FRAS1: variants seen among roughly 807,000 people sequenced by gnomAD.
FRAS1 encodes Fraser extracellular matrix complex subunit 1.
In FRAS1, 290 loss-of-function variants were observed where a neutral mutation model predicts 435.2. The ratio of observed to expected loss-of-function variants is 0.67; its 90% CI spans 0.61 to 0.73. FRAS1 has a LOEUF of 0.73. Ranked by LOEUF, FRAS1 falls within the 30% of genes least tolerant of loss-of-function variation. The probability of loss-of-function intolerance (pLI) is 0.00; values close to 1 mark genes in which losing one functional copy is unlikely to be tolerated. For synonymous variants in FRAS1, 1,800 were observed against 1,851.0 expected, an observed-to-expected ratio of 0.97 and a Z score of 0.71; for missense variants, 4,860 against 5,001.5, an observed-to-expected ratio of 0.97 and a Z score of 0.85.
chr4:78,206,239 G>A (rs1723250693), intron 2 of FRAS1, among the ~76,000 whole-genome samples: 1 of 152,108 alleles, frequency 6.6e-6, no homozygotes, highest in Non-Finnish European at 1.5e-5. Context: ...ATACTACAGA[G>A]GAGAAGATGA....
intron 38 of FRAS1, 74 bp downstream of exon 38, chr4:78,432,678 A>G (rs1734263966): frequency 2.1e-6 from 3 of 1,462,774 alleles, no homozygotes; most frequent in Admixed American, 4.9e-5. Flanking sequence ...CAGCAATGCC[A>G]TGGCTGAATA....
chr4:78,150,690 G>A (rs1720615204), intron 2 of FRAS1, among the ~76,000 whole-genome samples: 1 of 152,142 alleles, frequency 6.6e-6, no homozygotes, highest in Non-Finnish European at 1.5e-5. Flanking sequence ...ATCCAGACTG[G>A]GGGAAACTAG....
chr4:78,483,851 C>A (rs1720092257), intron 58 of FRAS1, among the ~76,000 whole-genome samples: 1 of 146,950 alleles, frequency 6.8e-6, no homozygotes, highest in African/African-American at 2.5e-5. Context: ...CATACACATA[C>A]TTGCATGCAT....
rs139942839 is a variant in FRAS1 at position 78,324,708 on chromosome 4, CTTTTTTTT to C, written c.2137+5738_2137+5745del. Reference sequence around the variant, plus strand: ...CTTTCTTTTTATTAAGCTCAGATTCCTTTTTTTTTTTTTTTTTTTTTTTCTGCATGTCA... The same window carrying C: ...CTTTCTTTTTATTAAGCTCAGATTCCTTTTTTTTTTTTTTTCTGCATGTCA... On this transcript the variant is annotated intron_variant, in intron 18 of 73. Transcript: ENST00000512123. Among the ~76,000 whole-genome samples the C allele has an allele frequency of 1.1e-3, 101 of 88,096 alleles. 1 individual carries two copies. The highest frequency in any genetic ancestry group is 8.1e-3 in the South Asian group (20 of 2,464). The allele number at this position is 88,096 out of a possible 152,430, so 57.8% of individuals were successfully genotyped here.
intron 6 of FRAS1, among the ~76,000 whole-genome samples, chr4:78,259,124 G>T (rs1487811518): frequency 1.8e-4 from 14 of 76,332 alleles, no homozygotes; most frequent in Non-Finnish European, 3.3e-4. Context: ...CATTTGTGTT[G>T]GTTCCAAGTC....
At chr4:78,331,511 C>T (rs1729949415) in intron 18 of FRAS1, among the ~76,000 whole-genome samples, 1 of 152,128 alleles carries the variant, frequency 6.6e-6, no homozygotes, top group Non-Finnish European at 1.5e-5. Flanking sequence ...TACTGACGAA[C>T]CAGGACATTC....
At chr4:78,210,590 T>A (rs766962161) in intron 2 of FRAS1, among the ~76,000 whole-genome samples, 1 of 152,166 alleles carries the variant, frequency 6.6e-6, no homozygotes, top group Admixed American at 6.5e-5. Flanking sequence ...TGCCCCAGGC[T>A]TTTCATATCT....
Position 78,482,531 on chromosome 4 carries a change from A to G in FRAS1, c.8748A>G (p.Gln2916=). 1 of 1,612,870 alleles carries G rather than the reference A, an allele frequency of 6.2e-7. No homozygotes were observed. The highest frequency in any genetic ancestry group is 8.5e-7 in the Non-Finnish European group (1 of 1,179,596). ...QAVIAINDTF[Q]DVPSMQFAKD... is the part of the protein sequence containing the mutation. ...TCATTGCAATTAATGACACATTCCA[A>G]GATGGTAAGAGATTGGGGATGCCAG... Residue 2916 remains glutamine, a synonymous_variant, in exon 58 of 74, where the codon CAA becomes CAG. Coordinates refer to ENST00000512123, the MANE Select transcript of FRAS1 (RefSeq NM_025074.7).
chr4:78,183,992 C>T (rs1033403902), intron 2 of FRAS1, among the ~76,000 whole-genome samples: 9 of 152,066 alleles, frequency 5.9e-5, no homozygotes, highest in South Asian at 4.2e-4. Flanking sequence ...TGACCAGTGA[C>T]GTTAGTATCA....
At chr4:78,320,684 G>A (rs1729469887) in intron 18 of FRAS1, among the ~76,000 whole-genome samples, 1 of 151,452 alleles carries the variant, frequency 6.6e-6, no homozygotes, top group South Asian at 2.1e-4. Flanking sequence ...TCTCTCTCCC[G>A]CATTTTACAG....
chr4:78,353,865 G>T lies in FRAS1; in HGVS notation c.2423-9648G>T, dbSNP rs1232946337. Among the ~76,000 whole-genome samples the T allele has an allele frequency of 1.6e-4, 2 of 12,714 alleles. 1 individual carries two copies. Among genetic ancestry groups the T allele is most frequent in the Non-Finnish European group, 2.7e-4 (2 of 7,384 alleles). The allele number at this position is 12,714 out of a possible 152,430, so 8.3% of individuals were successfully genotyped here. On this transcript the variant is annotated intron_variant, in intron 20 of 73. Transcript: ENST00000512123. ...GACTGTGGTGGGGTCAGGGGAGGGG[G>T]GAGGGATAGCATTGGGAGATATACC...
intron 2 of FRAS1, among the ~76,000 whole-genome samples, chr4:78,069,076 A>G (rs971312546): frequency 3.3e-5 from 5 of 152,200 alleles, no homozygotes; most frequent in African/African-American, 9.7e-5. Flanking sequence ...AAGAGGCGTC[A>G]TTTTCAAGAG....
At chr4:78,114,127 T>G (rs947756840) in intron 2 of FRAS1, among the ~76,000 whole-genome samples, 2 of 152,226 alleles carry the variant, frequency 1.3e-5, no homozygotes, top group African/African-American at 4.8e-5. Context: ...TTGTCAAAGA[T>G]CAGATAGTTG....
At chr4:78,109,446 T>C (rs899187960) in intron 2 of FRAS1, among the ~76,000 whole-genome samples, 2 of 151,864 alleles carry the variant, frequency 1.3e-5, no homozygotes, top group African/African-American at 2.4e-5. Flanking sequence ...TGGTTCAACA[T>C]ACGAAAATCA....
chr4:78,077,898 C>A, intron 2 of FRAS1, among the ~76,000 whole-genome samples: 1 of 145,190 alleles, frequency 6.9e-6, no homozygotes, highest in East Asian at 2.1e-4. Flanking sequence ...GCAATACAGC[C>A]TTGTTCTAAA....
At chr4:78,111,523 A>C (rs1351505827) in intron 2 of FRAS1, among the ~76,000 whole-genome samples, 1 of 68,584 alleles carries the variant, frequency 1.5e-5, no homozygotes, top group South Asian at 6.2e-4. Context: ...AACACCGCAT[A>C]TTCTCACTCA....
chr4:78,392,830 G>A (rs999901876), intron 29 of FRAS1, among the ~76,000 whole-genome samples: 1 of 151,870 alleles, frequency 6.6e-6, no homozygotes, highest in South Asian at 2.1e-4. Flanking sequence ...AATTCAAAAT[G>A]TCAGAACCAT....
At chr4:78,531,686 T>TC (rs1485334241) in intron 70 of FRAS1, among the ~76,000 whole-genome samples, 1 of 152,174 alleles carries the variant, frequency 6.6e-6, no homozygotes, top group Non-Finnish European at 1.5e-5. Flanking sequence ...ACAGAAGAAA[T>TC]CAGAAGAGAA....
intron 35 of FRAS1, among the ~76,000 whole-genome samples, chr4:78,425,485 A>G (rs890484452): frequency 6.6e-6 from 1 of 152,232 alleles, no homozygotes; most frequent in Admixed American, 6.5e-5. Flanking sequence ...GGGATTGACT[A>G]TTCCATTAGA....
Sources: allele counts gnomAD v4.1 joint callset (sites outside exome capture counted in the v4.1 genomes callset), GRCh38; gene constraint gnomAD v4.1.1; transcripts MANE v1.5; gene names NCBI Gene and HGNC (gene_info 2026-07-23, HGNC 2026-07-21).